The following MORC4 variants were observed in gnomAD, a reference collection of about 807,000 sequenced individuals.
MORC4 encodes the protein MORC family CW-type zinc finger 4.
A neutral mutation model predicts 65.5 loss-of-function variants in MORC4; 22 were observed. That is an observed-to-expected ratio of 0.34 (90% CI 0.24 to 0.48). The LOEUF is 0.48. Ranked by LOEUF, MORC4 falls within the 20% of genes least tolerant of loss-of-function variation. MORC4 has a pLI of 0.99. For synonymous variants in MORC4, 267 were observed against 255.8 expected, an observed-to-expected ratio of 1.04 and a Z score of -0.42; for missense variants, 624 against 703.0, an observed-to-expected ratio of 0.89 and a Z score of 1.27.
At chrX:106,999,844 C>T (rs1214415418) in intron 1 of MORC4, 24 bp downstream of exon 1, 4 of 852,179 alleles carry the variant, frequency 4.7e-6, no homozygotes, top group Non-Finnish European at 5.7e-6. Flanking sequence ...CGCGCGCGTC[C>T]GCCCCCTCGG....
intron 5 of MORC4, 50 bp from the exon 6 acceptor site, chrX:106,981,527 C>A: frequency 7.8e-6 from 8 of 1,028,373 alleles, no homozygotes; most frequent in East Asian, 6.6e-5. Flanking sequence ...CTCCAGAGGA[C>A]AAAAAAATGC....
chrX:106,961,930 T>C, intron 10 of MORC4, 82 bp downstream of exon 10: 2 of 829,149 alleles, frequency 2.4e-6, no homozygotes, highest in East Asian at 6.5e-5. Context: ...AGGAACCAAA[T>C]CCAGACACAT....
chrX:106,999,180 T>C (rs1351211569), intron 2 of MORC4, among the ~76,000 whole-genome samples: 1 of 111,238 alleles, frequency 9.0e-6, no homozygotes. Flanking sequence ...GGGAGCCAAA[T>C]GCACTCGTGT....
intron 7 of MORC4, among the ~76,000 whole-genome samples, chrX:106,980,338 C>G (rs952470994): frequency 1.4e-4 from 16 of 111,005 alleles, no homozygotes; most frequent in Non-Finnish European, 1.7e-4. Flanking sequence ...GAATTTATGT[C>G]AAACCTAAGA....
chrX:106,974,716 G>T (rs145623900), intron 9 of MORC4, among the ~76,000 whole-genome samples: 1 of 111,800 alleles, frequency 8.9e-6, no homozygotes, highest in African/African-American at 3.2e-5. Context: ...CAGTATGATG[G>T]CTGGTATCTC....
At chrX:106,962,192 G>T in intron 9 of MORC4, 82 bp from the exon 10 acceptor site, 1 of 684,737 alleles carries the variant, frequency 1.5e-6, no homozygotes, top group Non-Finnish European at 2.3e-6. Flanking sequence ...CCATTTAACA[G>T]ACACCAATAA....
intron 8 of MORC4, 89 bp from the exon 9 acceptor site, chrX:106,976,773 T>A (rs766764809): frequency 1.7e-6 from 1 of 604,765 alleles, no homozygotes; most frequent in African/African-American, 2.2e-5. Context: ...ATAGAAAGGT[T>A]ACATAACCTT....
intron 14 of MORC4, among the ~76,000 whole-genome samples, chrX:106,944,608 C>G (rs940821940): frequency 9.0e-6 from 1 of 111,133 alleles, no homozygotes; most frequent in Non-Finnish European, 1.9e-5. Context: ...GGCAACAACT[C>G]CCATATTCTC....
intron 3 of MORC4, among the ~76,000 whole-genome samples, chrX:106,987,529 T>C (rs1934896556): frequency 1.8e-5 from 2 of 111,234 alleles, no homozygotes; most frequent in South Asian, 7.5e-4. Context: ...GCCTTCAGAG[T>C]TTATAGTCTA....
At chrX:106,980,221 A>C (rs1934712559) in intron 7 of MORC4, among the ~76,000 whole-genome samples, 1 of 111,298 alleles carries the variant, frequency 9.0e-6, no homozygotes, top group African/African-American at 3.3e-5. Context: ...TCATCTTAAG[A>C]TTTTTTTCTA....
In MORC4 at chrX:106,986,083, A is replaced by C. The variant is rs1934863824; in HGVS notation, c.426T>G (p.Asn142Lys). ...GAAGTCCAACAGTGAGAGTACCCCC[A>C]TTCTTGGTGAAGACAAGGGCGTCCT... ...LGKDALVFTK[N>K]GGTLTVGLLS... Residue 142 changes from asparagine (N) to lysine (K), a missense_variant, in exon 4 of 17, where the codon AAT (asparagine) becomes AAG (lysine). Asn to Lys is a moderately conservative substitution (Grantham distance 94). Coordinates refer to ENST00000355610, the MANE Select transcript of MORC4 (RefSeq NM_024657.5). 1 of 1,210,570 alleles carries C rather than the reference A, an allele frequency of 8.3e-7. No homozygotes were observed. Among genetic ancestry groups the C allele is most frequent in the African/African-American group, 1.7e-5 (1 of 57,801 alleles).
At chrX:106,964,544 A>T (rs1004395958) in intron 9 of MORC4, among the ~76,000 whole-genome samples, 13 of 112,047 alleles carry the variant, frequency 1.2e-4, no homozygotes, top group African/African-American at 3.2e-5. Context: ...TCCAAGTAGG[A>T]TGAACTCAGA....
intron 10 of MORC4, among the ~76,000 whole-genome samples, chrX:106,958,703 T>C (rs189517963): frequency 9.5e-4 from 107 of 112,101 alleles, no homozygotes; most frequent in African/African-American, 3.3e-3. Context: ...GCTACTTTTA[T>C]AGAGGTCAAT....
chrX:106,959,486 G>C (rs755746604), intron 10 of MORC4, among the ~76,000 whole-genome samples: 7 of 110,233 alleles, frequency 6.4e-5, no homozygotes, highest in Admixed American at 2.0e-4. Flanking sequence ...TTATGTCTTA[G>C]TTCAATAATT....
chrX:106,997,434 G>C (rs1002901368), intron 2 of MORC4, among the ~76,000 whole-genome samples: 2 of 111,567 alleles, frequency 1.8e-5, no homozygotes, highest in African/African-American at 3.3e-5. Context: ...AAAACTTCAG[G>C]CTAAAAAGCC....
intron 9 of MORC4, among the ~76,000 whole-genome samples, chrX:106,974,497 C>G (rs992927480): frequency 2.7e-5 from 3 of 111,866 alleles, no homozygotes; most frequent in African/African-American, 9.7e-5. Flanking sequence ...AGACATATCT[C>G]AAGTCATACT....
intron 3 of MORC4, among the ~76,000 whole-genome samples, chrX:106,990,613 T>G (rs2147826200): frequency 8.9e-6 from 1 of 112,664 alleles, no homozygotes; most frequent in African/African-American, 3.2e-5. Context: ...GGCTCATGCC[T>G]GTAATCTCAG....
rs138063527 is a variant in MORC4 at position 106,960,348 on chromosome X, C to A, written c.1256+1664G>T. Among the ~76,000 whole-genome samples, 20 of 111,978 alleles carry A rather than the reference C, an allele frequency of 1.8e-4. No homozygotes were observed. In the East Asian group the frequency reaches 5.3e-3, roughly 30 times the overall value. On this transcript the variant is annotated intron_variant, in intron 10 of 16. Transcript: ENST00000355610. The stretch of plus-strand genomic sequence containing the variant: ...CAGGCAGACAGGAGAGGCTTTTAGC[C>A]CATGCTTTCAGGAAATTGGTAGCTG...
chrX:106,961,316 T>C (rs1269201165), intron 10 of MORC4, among the ~76,000 whole-genome samples: 2 of 112,347 alleles, frequency 1.8e-5, no homozygotes, highest in African/African-American at 3.2e-5. Context: ...TTGATTTAAA[T>C]AGCCATCATC....
Sources: allele counts gnomAD v4.1 joint callset (sites outside exome capture counted in the v4.1 genomes callset), GRCh38; gene constraint gnomAD v4.1.1; transcripts MANE v1.5; gene names NCBI Gene and HGNC (gene_info 2026-07-23, HGNC 2026-07-21).